Variants in TAF6L observed in about 807,000 individuals in gnomAD.
The protein encoded by TAF6L is TATA-box binding protein associated factor 6 like.
In TAF6L, 34 loss-of-function variants were observed where a neutral mutation model predicts 57.3. The observed-to-expected ratio is 0.59, with a 90% CI of 0.45 to 0.79. The LOEUF is 0.79. Ranked by LOEUF, TAF6L falls within the 30% of genes least tolerant of loss-of-function variation. The probability of loss-of-function intolerance (pLI) is 0.00; values close to 1 mark genes in which losing one functional copy is unlikely to be tolerated. For missense variants in TAF6L, 782 were observed against 853.2 expected (o/e 0.92, Z 1.04); for synonymous variants, 417 against 376.3 (o/e 1.11, Z -1.25).
chr11:62,781,972 A>T lies in TAF6L; in HGVS notation c.606+4A>T. The T allele has an allele frequency of 6.2e-7, 1 of 1,614,050 alleles. No individual in the cohort carries two copies. The highest frequency in any genetic ancestry group is 8.5e-7 in the Non-Finnish European group (1 of 1,179,988). On this transcript the variant is annotated splice_donor_region_variant and intron_variant, in intron 7 of 10. Coordinates refer to ENST00000294168, the MANE Select transcript of TAF6L (RefSeq NM_006473.4). Reference sequence around the variant, plus strand: ...CTTTGTTTATGTGGTCAGTGGGGTAAGTGACCAGGCTGGGACAGGGAGAAT... The same window carrying T: ...CTTTGTTTATGTGGTCAGTGGGGTATGTGACCAGGCTGGGACAGGGAGAAT...
chr11:62,783,556 C>CG (rs1161920629), intron 9 of TAF6L, among the ~76,000 whole-genome samples: 1 of 138,810 alleles, frequency 7.2e-6, no homozygotes, highest in East Asian at 2.2e-4. Flanking sequence ...TTTTTTGAGA[C>CG]GGAGTTTTGC....
intron 1 of TAF6L, among the ~76,000 whole-genome samples, chr11:62,774,956 T>C (rs2084174985): frequency 1.3e-5 from 2 of 148,194 alleles, no homozygotes; most frequent in South Asian, 4.3e-4. Flanking sequence ...TCCCAGCTAC[T>C]CAGGAGGCTG....
At chr11:62,786,114 T>C in intron 9 of TAF6L, 146 bp from the exon 10 acceptor site, 2 of 979,140 alleles carry the variant, frequency 2.0e-6, no homozygotes, top group Non-Finnish European at 1.5e-6. Flanking sequence ...CAAATAAATA[T>C]ATGGTTGAAT....
In TAF6L at chr11:62,787,057, C is replaced by A. The variant is rs1445594761; in HGVS notation, c.1630C>A (p.Arg544Ser). 6 of 1,524,820 alleles carry A rather than the reference C, an allele frequency of 3.9e-6. No individual in the cohort carries two copies. The highest frequency in any genetic ancestry group is 1.4e-5 in the African/African-American group (1 of 70,578). The allele number at this position is 1,524,820 out of a possible 1,614,324, so 94.5% of individuals were successfully genotyped here. ...GCAGCAGGGCCCCGGGACCGGCACC[C>A]GCGACGTTTTCCAGAAGAGCCGTTT... is the stretch of plus-strand genomic sequence containing the variant. The part of the protein sequence containing the change: ...PRQQGPGTGT[R>S]DVFQKSRFAP... Residue 544 changes from arginine to serine, a missense_variant, in exon 11 of 11, where the codon CGC becomes AGC. This residue lies in a region of TAF6L where 483 missense variants were observed against 445.1 expected (regional missense o/e 1.09). Transcript: ENST00000294168.
At position 62,786,933 on chromosome 11, in the gene TAF6L, C is replaced by G. The variant is rs757448290; in HGVS notation, c.1506C>G (p.Pro502=). The G allele has an allele frequency of 6.8e-7, 1 of 1,476,668 alleles. No individual in the cohort carries two copies. The highest frequency in any genetic ancestry group is 1.3e-5 in the South Asian group (1 of 76,938). 91.5% of individuals were successfully genotyped at this position (1,476,668 alleles called of 1,614,324 possible). A position where few individuals can be genotyped will look rare whatever the true frequency, so the allele number is the denominator to read the frequency against. ...TCAGCCCGCACGGCGACGAGAGCCC[C>G]CGGGGCAGCGGCGGAGGCGGCCCCG... ...AIVSPHGDES[P]RGSGGGGPAS... Residue 502 remains proline, a synonymous_variant, in exon 11 of 11, where the codon CCC becomes CCG. Transcript: ENST00000294168.
intron 1 of TAF6L, among the ~76,000 whole-genome samples, chr11:62,772,797 A>G (rs2084158309): frequency 6.8e-6 from 1 of 146,020 alleles, no homozygotes; most frequent in Admixed American, 6.7e-5. Context: ...GACATCAGAC[A>G]TCATCTCCAA....
At chr11:62,773,967 G>A (rs751725232) in intron 1 of TAF6L, among the ~76,000 whole-genome samples, 2 of 152,152 alleles carry the variant, frequency 1.3e-5, no homozygotes, top group Admixed American at 6.6e-5. Context: ...CTGAAAGGAG[G>A]ACACAGGTGG....
At chr11:62,785,207 T>C (rs929869094) in intron 9 of TAF6L, among the ~76,000 whole-genome samples, 1 of 151,816 alleles carries the variant, frequency 6.6e-6, no homozygotes, top group Non-Finnish European at 1.5e-5. Context: ...TTTTTTTTTT[T>C]TCGAGACAGA....
In TAF6L at chr11:62,786,687, G is replaced by A; in HGVS notation, c.1260G>A (p.Pro420=). 2 of 1,612,054 alleles carry A rather than the reference G, an allele frequency of 1.2e-6. No individual in the cohort carries two copies. Among genetic ancestry groups the A allele is most frequent in the Non-Finnish European group, 1.7e-6 (2 of 1,179,258 alleles). ...GAEPSFGSGL[P]LPPGGAGPED... ...AACCCAGCTTTGGGTCCGGCCTCCC[G>A]CTGCCGCCAGGGGGCGCGGGGCCGG... Residue 420 remains proline, a synonymous_variant, in exon 11 of 11, where the codon CCG becomes CCA. Coordinates refer to ENST00000294168, the MANE Select transcript of TAF6L (RefSeq NM_006473.4).
Position 62,786,505 on chromosome 11 carries a change from T to C in TAF6L, c.1090-12T>C, listed in dbSNP as rs757328404. ...CGAATTTTTTGCCTATCTTAGTCCT[T>C]GGCTCTTACAGGTGGCGGTAGAGCG... On this transcript the variant is annotated splice_polypyrimidine_tract_variant and intron_variant, in intron 10 of 10. Transcript: ENST00000294168. 1.2e-5 allele frequency: 18 copies of C among 1,564,978 alleles called. No individual in the cohort carries two copies. The highest frequency in any genetic ancestry group is 1.6e-5 in the Non-Finnish European group (18 of 1,150,910).
At chr11:62,775,734 C>T in intron 1 of TAF6L, 37 bp from the exon 2 acceptor site, 2 of 1,568,266 alleles carry the variant, frequency 1.3e-6, no homozygotes, top group Non-Finnish European at 1.7e-6. Context: ...CTCCGGGAGG[C>T]TGGGCAGCTT....
At chr11:62,772,277 T>G in intron 1 of TAF6L, 1 of 373,292 alleles carries the variant, frequency 2.7e-6, no homozygotes, top group Non-Finnish European at 5.4e-6. Context: ...ATCCTAGCAC[T>G]TTGGGAGGCC....
intron 6 of TAF6L, among the ~76,000 whole-genome samples, chr11:62,780,756 C>T (rs1322426399): frequency 3.4e-5 from 5 of 149,220 alleles, no homozygotes; most frequent in Non-Finnish European, 7.4e-5. Context: ...ATGGTGATTT[C>T]CCGTTGGATA....
At chr11:62,785,285 G>C (rs2084262157) in intron 9 of TAF6L, among the ~76,000 whole-genome samples, 1 of 151,836 alleles carries the variant, frequency 6.6e-6, no homozygotes, top group East Asian at 1.9e-4. Flanking sequence ...TCTGCCTCCT[G>C]GGTTCAAGCG....
intron 6 of TAF6L, among the ~76,000 whole-genome samples, chr11:62,779,952 C>CTATATATATATATATATA (rs1225374367): frequency 2.0e-5 from 2 of 100,052 alleles, no homozygotes; most frequent in African/African-American, 8.9e-5. Context: ...AGGCGTGAGC[C>CTATATATATATATATATA]TATATATATA....
chr11:62,774,349 T>G (rs2084170250), intron 1 of TAF6L, among the ~76,000 whole-genome samples: 1 of 152,218 alleles, frequency 6.6e-6, no homozygotes, highest in Admixed American at 6.5e-5. Context: ...GTGCTGGGAT[T>G]ACAGGCGTGA....
intron 1 of TAF6L, chr11:62,772,005 T>A (rs1395203875): frequency 2.3e-6 from 1 of 427,478 alleles, no homozygotes; most frequent in African/African-American, 2.1e-5. Flanking sequence ...GGCTCCTGAA[T>A]GCGGTATAGA....
intron 2 of TAF6L, 99 bp from the exon 3 acceptor site, chr11:62,776,285 C>A: frequency 8.2e-7 from 1 of 1,222,698 alleles, no homozygotes; most frequent in Non-Finnish European, 1.2e-6. Flanking sequence ...AGCGTGGTCT[C>A]CTGTTTGCCT....
intron 3 of TAF6L, among the ~76,000 whole-genome samples, chr11:62,777,306 G>A (rs938820458): frequency 3.3e-5 from 5 of 152,088 alleles, no homozygotes; most frequent in East Asian, 1.9e-4. Context: ...CAGCCTGGGC[G>A]AAAGAGCAAA....
Sources: gnomAD v4.1 joint callset for allele counts (sites outside exome capture counted in the v4.1 genomes callset) on GRCh38, gnomAD v4.1.1 for gene constraint, gnomAD v4.1.1 regional missense constraint, MANE v1.5 for transcripts, NCBI Gene and HGNC (gene_info 2026-07-23, HGNC 2026-07-21) for gene names.